Variants in TAFA3 observed in about 807,000 individuals in gnomAD.
The protein encoded by TAFA3 is TAFA chemokine like family member 3, also known as chemokine-like protein TAFA-3.
In TAFA3, 17 loss-of-function variants were observed where a neutral mutation model predicts 20.7. The observed-to-expected ratio is 0.82, with a 90% CI of 0.56 to 1.23. The LOEUF (loss-of-function observed/expected upper bound fraction) is 1.23. Among genes scored for constraint, TAFA3 ranks in the 50% most tolerant of loss-of-function variants. TAFA3 has a pLI of 0.00. For missense variants in TAFA3, 174 were observed against 172.8 expected, an observed-to-expected ratio of 1.01 and a Z score of -0.04; for synonymous variants, 74 against 71.8, an observed-to-expected ratio of 1.03 and a Z score of -0.16.
chr1:112,724,816 CAAA>C, intron 5 of TAFA3, among the ~76,000 whole-genome samples: 24 of 22,664 alleles, frequency 1.1e-3, no homozygotes, highest in African/African-American at 4.9e-3. Flanking sequence ...ATTAGAGCAG[CAAA>C]AAAAAAAAAA....
chr1:112,722,093 C>T (rs1447626385), intron 2 of TAFA3, 140 bp from the exon 3 acceptor site: 5 of 798,006 alleles, frequency 6.3e-6, no homozygotes, highest in African/African-American at 1.7e-5. Flanking sequence ...GACTCTGTGC[C>T]AGGTCGAAAG....
chr1:112,726,573 G>T, intron 5 of TAFA3, 56 bp from the exon 6 acceptor site: 1 of 1,589,490 alleles, frequency 6.3e-7, no homozygotes, highest in East Asian at 2.2e-5. Context: ...TCTCTGGCAT[G>T]CTGGAATGGA....
At chr1:112,722,164 G>A in intron 2 of TAFA3, 69 bp from the exon 3 acceptor site, 2 of 1,517,934 alleles carry the variant, frequency 1.3e-6, no homozygotes, top group East Asian at 2.3e-5. Flanking sequence ...GTGTGGCACA[G>A]AGAAGGTGCC....
Position 112,726,679 on chromosome 1 carries a change from G to C in TAFA3, c.*39G>C. The C allele has an allele frequency of 1.2e-6, 2 of 1,614,004 alleles. No homozygotes were observed. The highest frequency in any genetic ancestry group is 1.7e-6 in the Non-Finnish European group (2 of 1,179,898). ...CGGCCTGGACAAGAAAGGCTTGACT[G>C]AGCCGTGAACTGAAGAATGGTATCC... On this transcript the variant is annotated 3_prime_UTR_variant, in exon 6 of 6. Transcript: ENST00000361886.
rs199781399 is a variant in TAFA3, at chr1:112,724,067, A to C, written c.320A>C (p.Glu107Ala). ...WCQMEPCLPG[E>A]ECKVLPDLSG... ...CAGATGGAGCCCTGCCTGCCGGGGG[A>C]GGAGTGTAAGGTGCTCCCGGACCTG... is the stretch of plus-strand genomic sequence containing the variant. The change falls in exon 5 of 6, where the codon GAG becomes GCG. Residue 107 changes from glutamate to alanine, a missense_variant. By Grantham distance (107) the Glu-to-Ala change is moderately radical. Transcript: ENST00000361886. 34 of 1,613,302 alleles carry C rather than the reference A, an allele frequency of 2.1e-5. No homozygotes were observed. Among genetic ancestry groups the C allele is most frequent in the African/African-American group, 2.7e-5 (2 of 74,758 alleles).
At position 112,726,727 on chromosome 1, in the gene TAFA3, G is replaced by A. The variant is rs2101505185; in HGVS notation, c.*87G>A. 1 of 1,601,318 alleles carries A rather than the reference G, an allele frequency of 6.2e-7. No homozygotes were observed. Among genetic ancestry groups the A allele is most frequent in the South Asian group, 1.1e-5 (1 of 90,646 alleles). On this transcript the variant is annotated 3_prime_UTR_variant, in exon 6 of 6. Coordinates refer to ENST00000361886, the MANE Select transcript of TAFA3 (RefSeq NM_182759.3). ...TCCAGTCATCAGCCAGGAAAGATGG[G>A]GATTCACTTACATGCCTCATGTCAA...
chr1:112,724,695 T>C (rs1218966635), intron 5 of TAFA3, among the ~76,000 whole-genome samples: 1 of 145,010 alleles, frequency 6.9e-6, no homozygotes, highest in Non-Finnish European at 1.5e-5. Context: ...GATGACGAGT[T>C]AGTGGGTGCA....
Position 112,722,300 on chromosome 1 carries a change from C to T in TAFA3, c.67C>T (p.Leu23=). The T allele has an allele frequency of 6.2e-7, 1 of 1,614,040 alleles. No individual in the cohort carries two copies. The highest frequency in any genetic ancestry group is 8.5e-7 in the Non-Finnish European group (1 of 1,180,030). ...GWLLALCLAW[L]WTHLTLAALQ... ...GCTGCTGGCACTGTGCCTGGCCTGG[C>T]TGTGGACCCACCTGACCTTGGCTGC... Residue 23 remains leucine (L), a synonymous_variant, in exon 3 of 6, where the codon CTG becomes TTG. Coordinates refer to ENST00000361886, the MANE Select transcript of TAFA3 (RefSeq NM_182759.3).
chr1:112,722,262 G>T lies in TAFA3; in HGVS notation c.29G>T (p.Ser10Ile). MSERVERNW[S>I]TGGWLLALCL... Reference sequence around the variant, plus strand: ...AGTGAGAGGGTCGAGCGGAACTGGAGCACGGGCGGCTGGCTGCTGGCACTG... The same window carrying T: ...AGTGAGAGGGTCGAGCGGAACTGGATCACGGGCGGCTGGCTGCTGGCACTG... The change falls in exon 3 of 6, where the codon AGC becomes ATC. Residue 10 changes from serine to isoleucine, a missense_variant. Physicochemically the swap from Ser to Ile is moderately radical, Grantham distance 142. Coordinates refer to ENST00000361886, the MANE Select transcript of TAFA3 (RefSeq NM_182759.3). 1 of 1,614,132 alleles carries T rather than the reference G, an allele frequency of 6.2e-7. No individual in the cohort carries two copies. Among genetic ancestry groups the T allele is most frequent in the African/African-American group, 1.3e-5 (1 of 75,068 alleles).
intron 1 of TAFA3, among the ~76,000 whole-genome samples, chr1:112,719,641 G>C (rs1675282965): frequency 6.6e-6 from 1 of 152,052 alleles, no homozygotes; most frequent in African/African-American, 2.4e-5. Flanking sequence ...TGGGCCTTGG[G>C]GTTCCTAGGA....
rs1305746005 is a variant in TAFA3, at chr1:112,724,039, T to C, written c.292T>C (p.Cys98Arg). 6.2e-7 allele frequency: 1 copy of C among 1,613,768 alleles called. No homozygotes were observed. Among genetic ancestry groups the C allele is most frequent in the Non-Finnish European group, 8.5e-7 (1 of 1,179,982 alleles). ...DASIVLQRWWCQMEPCLPGEE... is the reference protein window; with the variant it reads ...DASIVLQRWWRQMEPCLPGEE... The stretch of plus-strand genomic sequence containing the variant: ...CTCCATCGTCCTGCAGAGATGGTGG[T>C]GTCAGATGGAGCCCTGCCTGCCGGG... The change falls in exon 5 of 6, where the codon TGT (cysteine) becomes CGT (arginine). Residue 98 changes from cysteine (C) to arginine (R), a missense_variant. Cys to Arg is a radical substitution (Grantham distance 180). Transcript: ENST00000361886.
intron 5 of TAFA3, among the ~76,000 whole-genome samples, 162 bp downstream of exon 5, chr1:112,724,299 A>G (rs72988309): frequency 0.036 from 5,454 of 151,968 alleles, 335 homozygotes; most frequent in African/African-American, 0.13. Context: ...CTCACTGGGG[A>G]CTGGAGTTAG....
At chr1:112,724,230 A>C (rs1294081687) in intron 5 of TAFA3, 93 bp downstream of exon 5, 1 of 1,171,804 alleles carries the variant, frequency 8.5e-7, no homozygotes, top group African/African-American at 1.5e-5. Context: ...CTAGGATGTC[A>C]GTGTCCCAAG....
rs576183162 is a variant in TAFA3 at position 112,726,231 on chromosome 1, G to A, written c.391-398G>A. Among the ~76,000 whole-genome samples the A allele has an allele frequency of 1.2e-3, 188 of 152,222 alleles. 6 individuals carry two copies. Among genetic ancestry groups the A allele is most frequent in the Non-Finnish European group, 1.7e-3 (115 of 68,038 alleles). The stretch of plus-strand genomic sequence containing the variant: ...TTTCACAGAGCACACAACAAAAGGA[G>A]CTACAGCAAGAAAAAGTTTGGCTCT... On this transcript the variant is annotated intron_variant, in intron 5 of 5. Coordinates refer to ENST00000361886, the MANE Select transcript of TAFA3 (RefSeq NM_182759.3).
At chr1:112,724,640 G>T (rs1360469897) in intron 5 of TAFA3, among the ~76,000 whole-genome samples, 1 of 110,710 alleles carries the variant, frequency 9.0e-6, no homozygotes, top group Non-Finnish European at 1.8e-5. Context: ...GTGGTGGGGT[G>T]GGGGGAGGGG....
chr1:112,724,248 C>A, intron 5 of TAFA3, 111 bp downstream of exon 5: 1 of 1,002,970 alleles, frequency 1.0e-6, no homozygotes, highest in Non-Finnish European at 1.4e-6. Context: ...AAGGTGAGAT[C>A]GTGAACCATG....
At chr1:112,723,813 A>T in intron 4 of TAFA3, 200 bp from the exon 5 acceptor site, 1 of 977,070 alleles carries the variant, frequency 1.0e-6, no homozygotes, top group Non-Finnish European at 1.5e-6. Flanking sequence ...CGGTGGGATT[A>T]AAGTTGAGAG....
At chr1:112,719,369 A>G (rs889280771) in intron 1 of TAFA3, among the ~76,000 whole-genome samples, 70 bp downstream of exon 1, 1 of 152,110 alleles carries the variant, frequency 6.6e-6, no homozygotes, top group Non-Finnish European at 1.5e-5. Flanking sequence ...GTGGGGAGAG[A>G]AGGTGAAGAA....
Position 112,726,720 on chromosome 1 carries a change from A to G in TAFA3, c.*80A>G. 3 of 1,609,278 alleles carry G rather than the reference A, an allele frequency of 1.9e-6. No homozygotes were observed. The highest frequency in any genetic ancestry group is 2.6e-6 in the Non-Finnish European group (3 of 1,175,814). On this transcript the variant is annotated 3_prime_UTR_variant, in exon 6 of 6. Coordinates refer to ENST00000361886, the MANE Select transcript of TAFA3 (RefSeq NM_182759.3). ...AATGGTATCCAGTCATCAGCCAGGA[A>G]AGATGGGGATTCACTTACATGCCTC...
Sources: gnomAD v4.1 joint callset for allele counts (sites outside exome capture counted in the v4.1 genomes callset) on GRCh38, gnomAD v4.1.1 for gene constraint, MANE v1.5 for transcripts, NCBI Gene and HGNC (gene_info 2026-07-23, HGNC 2026-07-21) for gene names.